Variants in SLC24A2 observed in about 807,000 individuals in gnomAD.
SLC24A2 encodes the protein solute carrier family 24 member 2, also known as sodium/potassium/calcium exchanger 2.
In SLC24A2, 36 loss-of-function variants were observed where a neutral mutation model predicts 62.0. The observed-to-expected ratio is 0.58, with a 90% CI of 0.44 to 0.77. The LOEUF is 0.77. SLC24A2 is among the 30% of genes least tolerant of loss of function. SLC24A2 has a pLI of 0.00. For synonymous variants in SLC24A2, 358 were observed against 294.0 expected, an observed-to-expected ratio of 1.22 and a Z score of -2.23; for missense variants, 846 against 817.9, an observed-to-expected ratio of 1.03 and a Z score of -0.42.
In SLC24A2 at chr9:19,520,190, C is replaced by T. The variant is rs530913718; in HGVS notation, c.1736+704G>A. 9.2e-5 allele frequency among the ~76,000 whole-genome samples: 14 copies of T among 152,228 alleles called. No homozygotes were observed. In the South Asian group the frequency reaches 1.5e-3, roughly 16 times the overall value. ...GTTAGGAGCCCAGTACTCCTGGGAA[C>T]GTAAGGATAATGTCTTATATCTTAT... On this transcript the variant is annotated intron_variant, in intron 10 of 10. Transcript: ENST00000341998.
the SLC24A2 span, among the ~76,000 whole-genome samples, chr9:20,190,852 G>C: frequency 6.6e-6 from 1 of 152,146 alleles, no homozygotes; most frequent in African/African-American, 2.4e-5. Flanking sequence ...GACAAAAATG[G>C]TACCTATTCA....
chr9:20,095,145 T>A, the SLC24A2 span, among the ~76,000 whole-genome samples: 1 of 152,322 alleles, frequency 6.6e-6, no homozygotes, highest in Admixed American at 6.5e-5. Context: ...CCAATTTTTG[T>A]TTTGTTTTGG....
chr9:19,813,335 T>C, the SLC24A2 span, among the ~76,000 whole-genome samples: 1 of 146,182 alleles, frequency 6.8e-6, no homozygotes, highest in African/African-American at 2.6e-5. Context: ...TTTTTTTTTT[T>C]TTTTTGAGAT....
At chr9:20,306,289 T>A in the SLC24A2 span, among the ~76,000 whole-genome samples, 2 of 152,160 alleles carry the variant, frequency 1.3e-5, no homozygotes. Flanking sequence ...CAACTTCTGT[T>A]TACAATCACT....
At chr9:20,010,522 A>G in the SLC24A2 span, among the ~76,000 whole-genome samples, 291 of 152,312 alleles carry the variant, frequency 1.9e-3, no homozygotes, top group African/African-American at 6.7e-3. Flanking sequence ...ACAATTCATG[A>G]ACAAAATGAG....
chr9:19,721,856 G>A (rs1222864814), intron 2 of SLC24A2, among the ~76,000 whole-genome samples: 1 of 152,026 alleles, frequency 6.6e-6, no homozygotes, highest in Admixed American at 6.6e-5. Flanking sequence ...AGAAAACGTT[G>A]TCATTATTCT....
At chr9:19,579,309 G>C (rs1337181339) in intron 5 of SLC24A2, among the ~76,000 whole-genome samples, 1 of 152,182 alleles carries the variant, frequency 6.6e-6, no homozygotes, top group East Asian at 1.9e-4. Flanking sequence ...CTGTGTGGAT[G>C]CAAGATACTT....
At chr9:19,903,353 C>T in the SLC24A2 span, among the ~76,000 whole-genome samples, 1 of 152,082 alleles carries the variant, frequency 6.6e-6, no homozygotes, top group African/African-American at 2.4e-5. Context: ...GAGCTCTGGT[C>T]CCTTTTCCTC....
intron 8 of SLC24A2, among the ~76,000 whole-genome samples, chr9:19,529,599 AC>A (rs1359181399): frequency 1.3e-5 from 2 of 152,032 alleles, no homozygotes; most frequent in Non-Finnish European, 2.9e-5. Context: ...CCAAAACCTT[AC>A]CCTCAAATGC....
the SLC24A2 span, among the ~76,000 whole-genome samples, chr9:19,946,665 G>A: frequency 1.3e-5 from 2 of 152,202 alleles, no homozygotes; most frequent in Non-Finnish European, 2.9e-5. Context: ...ACCAGCAGAT[G>A]CCAGCACTTC....
the SLC24A2 span, among the ~76,000 whole-genome samples, chr9:20,298,109 C>T: frequency 6.6e-6 from 1 of 152,162 alleles, no homozygotes; most frequent in Non-Finnish European, 1.5e-5. Context: ...TGACTGATAC[C>T]CATGAAGCTC....
the SLC24A2 span, among the ~76,000 whole-genome samples, chr9:20,112,110 G>A: frequency 6.6e-6 from 1 of 152,128 alleles, no homozygotes; most frequent in Admixed American, 6.6e-5. Flanking sequence ...TTGGTAATTG[G>A]AGCCTCATTT....
chr9:19,921,086 G>GT, the SLC24A2 span, among the ~76,000 whole-genome samples: 9 of 148,262 alleles, frequency 6.1e-5, no homozygotes, highest in South Asian at 2.3e-4. Context: ...TATGGGGGGG[G>GT]GGTGTTCCAA....
chr9:20,177,704 A>G, the SLC24A2 span, among the ~76,000 whole-genome samples: 1 of 152,278 alleles, frequency 6.6e-6, no homozygotes, highest in South Asian at 2.1e-4. Flanking sequence ...TAAGTAGATT[A>G]AATAGATTCT....
chr9:20,115,810 C>T, the SLC24A2 span, among the ~76,000 whole-genome samples: 1 of 152,252 alleles, frequency 6.6e-6, no homozygotes, highest in Admixed American at 6.5e-5. Context: ...TTGAATTTCT[C>T]CCATCTTCTT....
chr9:19,948,663 G>A, the SLC24A2 span, among the ~76,000 whole-genome samples: 1 of 151,528 alleles, frequency 6.6e-6, no homozygotes, highest in African/African-American at 2.4e-5. Context: ...CGAGACCACG[G>A]TGAAACCCCG....
chr9:20,269,485 G>A, the SLC24A2 span, among the ~76,000 whole-genome samples: 4 of 152,232 alleles, frequency 2.6e-5, no homozygotes, highest in East Asian at 7.7e-4. Context: ...TCAAAGGCAG[G>A]TGGGGTACAG....
chr9:20,077,228 C>T, the SLC24A2 span, among the ~76,000 whole-genome samples: 1 of 151,808 alleles, frequency 6.6e-6, no homozygotes, highest in African/African-American at 2.4e-5. Flanking sequence ...TAATATAGAA[C>T]ACACAGACTA....
At chr9:19,952,380 G>T in the SLC24A2 span, among the ~76,000 whole-genome samples, 2 of 151,892 alleles carry the variant, frequency 1.3e-5, no homozygotes, top group East Asian at 3.9e-4. Flanking sequence ...AATTTTTCTA[G>T]ATCTTAGATA....
Sources: gnomAD v4.1 joint callset for allele counts (sites outside exome capture counted in the v4.1 genomes callset) on GRCh38, gnomAD v4.1.1 for gene constraint, MANE v1.5 for transcripts, NCBI Gene and HGNC (gene_info 2026-07-23, HGNC 2026-07-21) for gene names.